NIBAN1: variants seen among roughly 807,000 people sequenced by gnomAD.
NIBAN1 encodes niban apoptosis regulator 1, also known as protein Niban 1.
In NIBAN1, 81 loss-of-function variants were observed where a neutral mutation model predicts 75.1. That is an observed-to-expected ratio of 1.08 (90% CI 0.90 to 1.30). NIBAN1 has a LOEUF of 1.30. Among genes scored for constraint, NIBAN1 ranks in the 50% most tolerant of loss-of-function variants. The probability of loss-of-function intolerance (pLI) is 0.00; values close to 1 mark genes in which losing one functional copy is unlikely to be tolerated. For synonymous variants in NIBAN1, 436 were observed against 424.8 expected (o/e 1.03, Z -0.32); for missense variants, 1,133 against 1,128.1 (o/e 1.00, Z -0.06).
intron 5 of NIBAN1, among the ~76,000 whole-genome samples, chr1:184,882,827 C>T (rs1038424686): frequency 9.2e-5 from 14 of 152,274 alleles, no homozygotes; most frequent in South Asian, 4.1e-4. Context: ...TAAACACAGA[C>T]GGGCAAGTGT....
chr1:184,835,673 T>A (rs908292222), intron 5 of NIBAN1, among the ~76,000 whole-genome samples: 2 of 152,244 alleles, frequency 1.3e-5, no homozygotes, highest in African/African-American at 4.8e-5. Context: ...GGAATGCTTG[T>A]GATTTTTGCA....
At chr1:184,852,016 G>T (rs2102264694) in intron 5 of NIBAN1, among the ~76,000 whole-genome samples, 1 of 152,200 alleles carries the variant, frequency 6.6e-6, no homozygotes, top group East Asian at 1.9e-4. Flanking sequence ...AATCCAAGGT[G>T]TTTGTAAAGA....
At chr1:184,919,832 A>C (rs532621907) in intron 1 of NIBAN1, among the ~76,000 whole-genome samples, 29 of 151,804 alleles carry the variant, frequency 1.9e-4, no homozygotes, top group African/African-American at 6.5e-4. Context: ...CTCTTTAATA[A>C]TCTCCAGATA....
chr1:184,816,270 G>T (rs1231025834), intron 9 of NIBAN1, among the ~76,000 whole-genome samples: 1 of 152,140 alleles, frequency 6.6e-6, no homozygotes, highest in African/African-American at 2.4e-5. Flanking sequence ...TCTCTCAAAG[G>T]TTTTAAATGT....
At chr1:184,937,013 C>T (rs191607508) in intron 1 of NIBAN1, among the ~76,000 whole-genome samples, 1 of 152,224 alleles carries the variant, frequency 6.6e-6, no homozygotes, top group East Asian at 1.9e-4. Flanking sequence ...CCCTTTCCTC[C>T]TATGCTCCTT....
intron 1 of NIBAN1, among the ~76,000 whole-genome samples, chr1:184,915,937 T>C (rs1216145255): frequency 6.6e-6 from 1 of 152,248 alleles, no homozygotes; most frequent in Non-Finnish European, 1.5e-5. Context: ...AATATGCTGT[T>C]GTTTCAAGGA....
At chr1:184,807,828 A>G (rs115273943) in intron 10 of NIBAN1, among the ~76,000 whole-genome samples, 3,594 of 152,300 alleles carry the variant, frequency 0.024, 147 homozygotes, top group African/African-American at 0.082. Flanking sequence ...CACTGATTTG[A>G]CAAATCAAGT....
At chr1:184,902,974 A>G (rs1454610113) in intron 1 of NIBAN1, among the ~76,000 whole-genome samples, 1 of 152,360 alleles carries the variant, frequency 6.6e-6, no homozygotes, top group African/African-American at 2.4e-5. Context: ...ATATTCCACA[A>G]TGAAAACATT....
intron 1 of NIBAN1, among the ~76,000 whole-genome samples, chr1:184,973,103 A>G (rs1658980040): frequency 6.6e-6 from 1 of 152,222 alleles, no homozygotes; most frequent in Non-Finnish European, 1.5e-5. Context: ...TTTTACTAAT[A>G]TAAATAAATC....
At chr1:184,914,925 T>C (rs1391358719) in intron 1 of NIBAN1, among the ~76,000 whole-genome samples, 7 of 152,176 alleles carry the variant, frequency 4.6e-5, no homozygotes, top group Admixed American at 4.6e-4. Context: ...GTTTTCACCA[T>C]GTTAGCCAGG....
chr1:184,940,544 A>G (rs1658065455), intron 1 of NIBAN1, among the ~76,000 whole-genome samples: 1 of 152,208 alleles, frequency 6.6e-6, no homozygotes, highest in African/African-American at 2.4e-5. Context: ...TGATGAAAGC[A>G]TAGTAACAAG....
At chr1:184,841,644 T>C (rs1436613775) in intron 5 of NIBAN1, among the ~76,000 whole-genome samples, 1 of 152,208 alleles carries the variant, frequency 6.6e-6, no homozygotes, top group African/African-American at 2.4e-5. Context: ...GAGATTCAGA[T>C]ACTAGAACCA....
At chr1:184,821,862 C>A (rs1001568509) in intron 8 of NIBAN1, among the ~76,000 whole-genome samples, 1 of 152,076 alleles carries the variant, frequency 6.6e-6, no homozygotes, top group Non-Finnish European at 1.5e-5. Flanking sequence ...TAAATAGACA[C>A]CCAGAGATAC....
intron 1 of NIBAN1, among the ~76,000 whole-genome samples, chr1:184,921,178 T>A (rs1334283077): frequency 6.7e-6 from 1 of 149,526 alleles, no homozygotes; most frequent in Non-Finnish European, 1.5e-5. Context: ...ATGGCTGTAA[T>A]CCCAACTACT....
At chr1:184,949,503 T>C (rs1371038433) in intron 1 of NIBAN1, among the ~76,000 whole-genome samples, 1 of 152,228 alleles carries the variant, frequency 6.6e-6, no homozygotes, top group Non-Finnish European at 1.5e-5. Context: ...AATTAGTTGT[T>C]ATTATCCCAT....
chr1:184,930,997 CTTTTTT>C (rs200932673), intron 1 of NIBAN1, among the ~76,000 whole-genome samples: 1 of 114,556 alleles, frequency 8.7e-6, no homozygotes, highest in East Asian at 2.4e-4. Context: ...TTTTCTTCTT[CTTTTTT>C]TTTTTTTTTT....
intron 1 of NIBAN1, among the ~76,000 whole-genome samples, chr1:184,945,774 A>G (rs1658205139): frequency 6.6e-6 from 1 of 152,208 alleles, no homozygotes; most frequent in Non-Finnish European, 1.5e-5. Context: ...TGAAAATATG[A>G]CAAGAAAGCA....
chr1:184,819,194 A>T (rs1474020807), intron 8 of NIBAN1, among the ~76,000 whole-genome samples: 1 of 152,198 alleles, frequency 6.6e-6, no homozygotes, highest in African/African-American at 2.4e-5. Context: ...TTCTAAAAAC[A>T]CAATTTATTG....
chr1:184,905,201 G>C (rs1029693757), intron 1 of NIBAN1, among the ~76,000 whole-genome samples: 1 of 152,060 alleles, frequency 6.6e-6, no homozygotes, highest in Admixed American at 6.6e-5. Context: ...AATCAAAGCT[G>C]ACCACCTTGG....
Sources: gnomAD v4.1 joint callset for allele counts (sites outside exome capture counted in the v4.1 genomes callset) on GRCh38, gnomAD v4.1.1 for gene constraint, MANE v1.5 for transcripts, NCBI Gene and HGNC (gene_info 2026-07-23, HGNC 2026-07-21) for gene names.